Variants in SUGCT observed in about 807,000 individuals in gnomAD.
SUGCT encodes the protein succinyl-CoA:glutarate CoA-transferase.
SUGCT carries 41 observed loss-of-function variants against 55.0 expected under a neutral mutation model. The ratio of observed to expected loss-of-function variants is 0.74; its 90% CI spans 0.58 to 0.97. The LOEUF is 0.97. Ranked by LOEUF, SUGCT falls within the 50% of genes least tolerant of loss-of-function variation. The probability of loss-of-function intolerance (pLI) is 0.00; values close to 1 mark genes in which losing one functional copy is unlikely to be tolerated. For missense variants in SUGCT, 568 were observed against 547.8 expected, an observed-to-expected ratio of 1.04 and a Z score of -0.37; for synonymous variants, 187 against 200.4, an observed-to-expected ratio of 0.93 and a Z score of 0.56.
chr7:40,505,472 T>C (rs1250111070), intron 12 of SUGCT, among the ~76,000 whole-genome samples: 1 of 152,092 alleles, frequency 6.6e-6, no homozygotes, highest in Non-Finnish European at 1.5e-5. Flanking sequence ...AAGCTGGTAT[T>C]TTCTAGCATA....
At chr7:40,382,686 C>T (rs2151285246) in intron 9 of SUGCT, among the ~76,000 whole-genome samples, 1 of 152,124 alleles carries the variant, frequency 6.6e-6, no homozygotes, top group South Asian at 2.1e-4. Flanking sequence ...AGGAACTGAC[C>T]TAAAACAAAA....
At chr7:40,744,763 C>T (rs562114836) in intron 12 of SUGCT, among the ~76,000 whole-genome samples, 2 of 152,334 alleles carry the variant, frequency 1.3e-5, no homozygotes, top group East Asian at 3.9e-4. Flanking sequence ...GCAGCACCTG[C>T]TGTTACTACA....
chr7:40,980,526 C>T, the SUGCT span, among the ~76,000 whole-genome samples: 1 of 152,050 alleles, frequency 6.6e-6, no homozygotes, highest in Admixed American at 6.6e-5. Context: ...ACAGTTCATC[C>T]CGAGGAAAAA....
chr7:41,028,460 A>G, the SUGCT span, among the ~76,000 whole-genome samples: 1 of 152,198 alleles, frequency 6.6e-6, no homozygotes, highest in African/African-American at 2.4e-5. Context: ...TGAGAAATGC[A>G]TAGTTAGGCA....
intron 13 of SUGCT, among the ~76,000 whole-genome samples, chr7:40,788,825 C>T (rs576426958): frequency 6.6e-6 from 1 of 152,264 alleles, no homozygotes; most frequent in Admixed American, 6.5e-5. Flanking sequence ...AGGCACATAA[C>T]CAAGTACAGA....
At chr7:40,401,436 G>A (rs1016291104) in intron 9 of SUGCT, among the ~76,000 whole-genome samples, 29 of 152,146 alleles carry the variant, frequency 1.9e-4, no homozygotes. Context: ...TCTGTGGACT[G>A]GACAAGGAAA....
chr7:40,800,330 C>T (rs117406701), intron 13 of SUGCT, among the ~76,000 whole-genome samples: 2,615 of 151,042 alleles, frequency 0.017, 44 homozygotes, highest in South Asian at 0.037. Flanking sequence ...GTCTTGTCAC[C>T]CAGGCTGGAG....
intron 9 of SUGCT, among the ~76,000 whole-genome samples, chr7:40,320,913 G>A (rs1482579192): frequency 6.6e-6 from 1 of 151,988 alleles, no homozygotes; most frequent in African/African-American, 2.4e-5. Context: ...GTATCCAATA[G>A]GTACTTTCTC....
chr7:40,980,151 AAG>A, the SUGCT span, among the ~76,000 whole-genome samples: 26 of 150,318 alleles, frequency 1.7e-4, no homozygotes, highest in Non-Finnish European at 1.5e-4. Flanking sequence ...AAGAGAGAGC[AAG>A]AGAGAGAGAG....
chr7:40,596,375 G>A (rs1798010580), intron 12 of SUGCT, among the ~76,000 whole-genome samples: 1 of 152,138 alleles, frequency 6.6e-6, no homozygotes, highest in South Asian at 2.1e-4. Context: ...GGACCAGACA[G>A]CCACAGATAA....
chr7:40,728,371 T>C (rs1052816992), intron 12 of SUGCT, among the ~76,000 whole-genome samples: 2 of 152,004 alleles, frequency 1.3e-5, no homozygotes, highest in Non-Finnish European at 2.9e-5. Flanking sequence ...ATACAAAAAT[T>C]AGCCGGGCAT....
At chr7:40,315,790 A>G (rs915912975) in intron 8 of SUGCT, among the ~76,000 whole-genome samples, 8 of 152,170 alleles carry the variant, frequency 5.3e-5, no homozygotes, top group African/African-American at 1.7e-4. Flanking sequence ...AGCCGGTGCT[A>G]TATCATGATT....
chr7:40,333,636 CAAAAAAAAAAAAAAAA>C (rs1212001738), intron 9 of SUGCT, among the ~76,000 whole-genome samples: 1 of 49,944 alleles, frequency 2.0e-5, no homozygotes, highest in Non-Finnish European at 3.3e-5. Context: ...GACTCTGTCT[CAAAAAAAAAAAAAAAA>C]AAAAAAAAAA....
chr7:40,944,869 C>G, the SUGCT span, among the ~76,000 whole-genome samples: 3 of 152,124 alleles, frequency 2.0e-5, no homozygotes. Flanking sequence ...GCTCTTGGTG[C>G]TTTCAAGGGT....
the SUGCT span, among the ~76,000 whole-genome samples, chr7:40,960,911 C>T: frequency 3.3e-5 from 5 of 152,186 alleles, no homozygotes; most frequent in Non-Finnish European, 7.3e-5. Context: ...ACACTTATAT[C>T]ACTGGTCCTG....
intron 13 of SUGCT, among the ~76,000 whole-genome samples, chr7:40,856,396 A>G (rs1394212072): frequency 6.6e-6 from 1 of 152,230 alleles, no homozygotes; most frequent in Non-Finnish European, 1.5e-5. Flanking sequence ...TTATTTAACC[A>G]GTGCCCAACT....
the SUGCT span, among the ~76,000 whole-genome samples, chr7:40,988,719 C>CATAAA: frequency 6.6e-6 from 1 of 152,090 alleles, no homozygotes; most frequent in African/African-American, 2.4e-5. Context: ...AAAGAACTCC[C>CATAAA]ATAAACTTAT....
intron 8 of SUGCT, among the ~76,000 whole-genome samples, chr7:40,295,900 T>C (rs552668798): frequency 6.6e-6 from 1 of 152,340 alleles, no homozygotes; most frequent in East Asian, 1.9e-4. Flanking sequence ...GGAGGTTCTG[T>C]AGTGTAGGTG....
At chr7:40,401,528 T>A (rs1396977327) in intron 9 of SUGCT, among the ~76,000 whole-genome samples, 2 of 152,192 alleles carry the variant, frequency 1.3e-5, no homozygotes, top group African/African-American at 4.8e-5. Flanking sequence ...CAGAGAATAC[T>A]CTGTTAAACT....
Sources: allele counts gnomAD v4.1 joint callset (sites outside exome capture counted in the v4.1 genomes callset), GRCh38; gene constraint gnomAD v4.1.1; transcripts MANE v1.5; gene names NCBI Gene and HGNC (gene_info 2026-07-23, HGNC 2026-07-21).